Variants in GRM7 observed in about 807,000 individuals in gnomAD.
The protein encoded by GRM7 is metabotropic glutamate receptor 7.
GRM7 carries 35 observed loss-of-function variants against 84.5 expected under a neutral mutation model. The ratio of observed to expected loss-of-function variants is 0.41; its 90% confidence interval spans 0.32 to 0.55. GRM7 has a LOEUF of 0.55. Ranked by LOEUF, GRM7 falls within the 20% of genes least tolerant of loss-of-function variation. GRM7 has a pLI of 0.19. For missense variants in GRM7, 1,003 were observed against 1,194.6 expected (o/e 0.84, Z 2.36); for synonymous variants, 487 against 455.1 (o/e 1.07, Z -0.89).
At chr3:6,913,930 C>G (rs927257650) in intron 1 of GRM7, among the ~76,000 whole-genome samples, 3 of 152,154 alleles carry the variant, frequency 2.0e-5, no homozygotes, top group African/African-American at 7.2e-5. Flanking sequence ...CATTTTTTCT[C>G]TTGGTATTCA....
At chr3:7,185,547 C>A (rs1265599983) in intron 2 of GRM7, among the ~76,000 whole-genome samples, 12 of 152,104 alleles carry the variant, frequency 7.9e-5, no homozygotes. Context: ...TTGCTGCCAA[C>A]CAATGATGGT....
At chr3:7,427,396 A>C (rs1471831898) in intron 5 of GRM7, among the ~76,000 whole-genome samples, 1 of 152,234 alleles carries the variant, frequency 6.6e-6, no homozygotes, top group Non-Finnish European at 1.5e-5. Context: ...GTTATGAAGA[A>C]GAAATTGCAT....
At chr3:7,698,906 C>G (rs902373027) in intron 9 of GRM7, among the ~76,000 whole-genome samples, 2 of 152,090 alleles carry the variant, frequency 1.3e-5, no homozygotes, top group Non-Finnish European at 2.9e-5. Flanking sequence ...GGAATGTACT[C>G]TATATAGAGA....
At chr3:7,478,572 A>C (rs957584037) in intron 7 of GRM7, among the ~76,000 whole-genome samples, 1 of 152,180 alleles carries the variant, frequency 6.6e-6, no homozygotes, top group African/African-American at 2.4e-5. Flanking sequence ...GGGAGCAATC[A>C]ATGAGTATGG....
chr3:6,941,060 C>T (rs1180307053), intron 1 of GRM7, among the ~76,000 whole-genome samples: 2 of 152,190 alleles, frequency 1.3e-5, no homozygotes, highest in East Asian at 3.9e-4. Flanking sequence ...TCTTGAGTCA[C>T]CTTTCCAGAA....
chr3:7,648,597 T>C (rs71308560), intron 8 of GRM7, among the ~76,000 whole-genome samples: 15 of 150,326 alleles, frequency 1.0e-4, no homozygotes, highest in Non-Finnish European at 1.5e-4. Context: ...TGCAGTGAGC[T>C]GAAATTGCAC....
intron 1 of GRM7, among the ~76,000 whole-genome samples, chr3:7,079,542 T>C (rs1444005849): frequency 6.6e-6 from 1 of 152,126 alleles, no homozygotes; most frequent in Non-Finnish European, 1.5e-5. Flanking sequence ...ATAATTCAAA[T>C]TGACTCTGGA....
intron 2 of GRM7, among the ~76,000 whole-genome samples, chr3:7,221,470 T>C (rs7639811): frequency 0.029 from 4,346 of 152,206 alleles, 152 homozygotes; most frequent in African/African-American, 0.091. Flanking sequence ...TCTACTTTAT[T>C]TATATTCTGA....
intron 1 of GRM7, among the ~76,000 whole-genome samples, chr3:6,876,880 G>A (rs895766630): frequency 1.3e-5 from 2 of 152,162 alleles, no homozygotes; most frequent in East Asian, 1.9e-4. Flanking sequence ...GAGATTACAG[G>A]CATGAGCCAC....
chr3:7,003,612 CT>C (rs1177988621), intron 1 of GRM7, among the ~76,000 whole-genome samples: 1 of 152,114 alleles, frequency 6.6e-6, no homozygotes, highest in Non-Finnish European at 1.5e-5. Flanking sequence ...GTGGATGAGT[CT>C]AGGTCTATGT....
Position 7,106,555 on chromosome 3 carries a change from C to T in GRM7, c.520-39897C>T, listed in dbSNP as rs114771732. Among the ~76,000 whole-genome samples, 1,459 of 152,062 alleles carry T rather than the reference C, an allele frequency of 9.6e-3. 15 individuals are homozygous for T. The highest frequency in any genetic ancestry group is 0.033 in the African/African-American group (1,357 of 41,500). On this transcript the variant is annotated intron_variant, in intron 1 of 9. Coordinates refer to ENST00000357716, the MANE Select transcript of GRM7 (RefSeq NM_000844.4). The stretch of plus-strand genomic sequence containing the variant: ...CTATGCACTTCCAAGAATGGGGCAG[C>T]AATCAACAAATGAATAATGGCCACA...
intron 5 of GRM7, among the ~76,000 whole-genome samples, chr3:7,430,827 T>G (rs1298140577): frequency 6.6e-6 from 1 of 152,180 alleles, no homozygotes; most frequent in Non-Finnish European, 1.5e-5. Context: ...ATAGGGAAGT[T>G]TGCTTACTAA....
At position 7,644,220 on chromosome 3, in the gene GRM7, ATG is replaced by A. The variant is rs879807848; in HGVS notation, c.2452-35821_2452-35820del. 4.9e-5 allele frequency among the ~76,000 whole-genome samples: 7 copies of A among 143,408 alleles called. No individual in the cohort carries two copies. In the South Asian group the frequency reaches 8.9e-4, roughly 18 times the overall value. 94.1% of individuals were successfully genotyped at this position (143,408 alleles called of 152,430 possible). On this transcript the variant is annotated intron_variant, in intron 8 of 9. Coordinates refer to ENST00000357716, the MANE Select transcript of GRM7 (RefSeq NM_000844.4). ...TATATATATATGTCTGTACATATAT[ATG>A]TGTGTGTCTGTACATATATATGTGT...
At chr3:6,888,841 A>C (rs141569914) in intron 1 of GRM7, among the ~76,000 whole-genome samples, 17,649 of 152,026 alleles carry the variant, frequency 0.12, 1,254 homozygotes, top group African/African-American at 0.18. Flanking sequence ...CATTTTCATG[A>C]TATTGATTCT....
intron 2 of GRM7, among the ~76,000 whole-genome samples, chr3:7,250,875 G>C (rs930135667): frequency 4.6e-5 from 7 of 152,128 alleles, no homozygotes; most frequent in African/African-American, 1.7e-4. Context: ...TAAAGCCTTT[G>C]CATGGTAGGT....
intron 1 of GRM7, among the ~76,000 whole-genome samples, chr3:6,875,747 A>G (rs1695278832): frequency 6.6e-6 from 1 of 152,164 alleles, no homozygotes. Flanking sequence ...TGATCATGCC[A>G]GGGGTGAAGT....
At position 7,400,749 on chromosome 3, in the gene GRM7, G is replaced by A. The variant is rs138878629; in HGVS notation, c.1034-14274G>A. On this transcript the variant is annotated intron_variant, in intron 4 of 9. Transcript: ENST00000357716. ...TATCTTTGAGTTTTTAGATGGCTTC[G>A]TTATTTCTTCTTGTATTGTGGTTTA... Among the ~76,000 whole-genome samples the A allele has an allele frequency of 1.5e-3, 228 of 152,150 alleles. 2 individuals are homozygous for A. Among genetic ancestry groups the A allele is most frequent in the East Asian group, 0.015 (76 of 5,172 alleles).
At chr3:7,647,794 G>A (rs1204581357) in intron 8 of GRM7, among the ~76,000 whole-genome samples, 1 of 149,372 alleles carries the variant, frequency 6.7e-6, no homozygotes, top group Non-Finnish European at 1.5e-5. Context: ...AGGATGGAAA[G>A]AGTCACTTGA....
intron 2 of GRM7, among the ~76,000 whole-genome samples, chr3:7,201,298 A>G (rs1559499359): frequency 6.6e-6 from 1 of 152,164 alleles, no homozygotes; most frequent in Non-Finnish European, 1.5e-5. Flanking sequence ...TAATTTTTTC[A>G]TGAGTTTGAT....
Sources: gnomAD v4.1 joint callset for allele counts (sites outside exome capture counted in the v4.1 genomes callset) on GRCh38, gnomAD v4.1.1 for gene constraint, MANE v1.5 for transcripts, NCBI Gene and HGNC (gene_info 2026-07-23, HGNC 2026-07-21) for gene names.